Variants in WWOX observed in about 807,000 individuals in gnomAD.
The protein encoded by WWOX is WW domain containing oxidoreductase, also known as WW domain-containing oxidoreductase.
Under a neutral mutation model 46.2 loss-of-function variants are expected in WWOX, and 69 were observed. The observed-to-expected ratio is 1.49, with a 90% confidence interval of 1.23 to 1.82. The LOEUF is 1.82. WWOX is among the 40% of genes most tolerant of loss of function. The probability of loss-of-function intolerance (pLI) is 0.00; values close to 1 mark genes in which losing one functional copy is unlikely to be tolerated. For missense variants in WWOX, 919 were observed against 542.6 expected, an observed-to-expected ratio of 1.69 and a Z score of -6.89; for synonymous variants, 359 against 202.6, an observed-to-expected ratio of 1.77 and a Z score of -6.56.
At chr16:79,004,097 C>G (rs1213607937) in intron 8 of WWOX, 1 of 152,212 alleles carries the variant, frequency 6.6e-6, no homozygotes, top group Non-Finnish European at 1.5e-5. Flanking sequence ...AGACCATCAT[C>G]TTGTTTGCAT....
intron 5 of WWOX, among the ~76,000 whole-genome samples, chr16:78,361,239 A>G (rs1855937028): frequency 6.6e-6 from 1 of 152,202 alleles, no homozygotes; most frequent in Non-Finnish European, 1.5e-5. Context: ...TGGCAAGAAC[A>G]TTATAAAAAT....
At chr16:79,148,355 C>G (rs1180367165) in intron 8 of WWOX, among the ~76,000 whole-genome samples, 1 of 151,976 alleles carries the variant, frequency 6.6e-6, no homozygotes, top group African/African-American at 2.4e-5. Context: ...ATTTTTTTAC[C>G]TTTATTCAAA....
chr16:78,813,600 C>G (rs992748761), intron 8 of WWOX, among the ~76,000 whole-genome samples: 1 of 151,972 alleles, frequency 6.6e-6, no homozygotes, highest in Non-Finnish European at 1.5e-5. Context: ...CATGTGTGAG[C>G]TCCTGTGTGT....
intron 8 of WWOX, among the ~76,000 whole-genome samples, chr16:78,707,364 T>G (rs2048347751): frequency 6.6e-6 from 1 of 152,160 alleles, no homozygotes; most frequent in Admixed American, 6.5e-5. Context: ...GTATAAGACA[T>G]TGGCCATGCG....
chr16:78,984,480 G>T (rs1044839718), intron 8 of WWOX, among the ~76,000 whole-genome samples: 8 of 152,216 alleles, frequency 5.3e-5, no homozygotes, highest in African/African-American at 7.2e-5. Flanking sequence ...GAATGGATGG[G>T]TGTGGCCGTG....
At chr16:78,863,213 C>G (rs573187679) in intron 8 of WWOX, among the ~76,000 whole-genome samples, 1 of 152,272 alleles carries the variant, frequency 6.6e-6, no homozygotes, top group South Asian at 2.1e-4. Context: ...CCGCCTTGGC[C>G]TCCCAAAGTG....
At chr16:78,614,390 A>C (rs553394093) in intron 8 of WWOX, among the ~76,000 whole-genome samples, 55 of 152,352 alleles carry the variant, frequency 3.6e-4, no homozygotes, top group African/African-American at 1.3e-3. Flanking sequence ...TGCATCATTT[A>C]TTCTGAGTCC....
At chr16:78,495,196 G>A (rs1184400322) in intron 8 of WWOX, among the ~76,000 whole-genome samples, 34 of 135,794 alleles carry the variant, frequency 2.5e-4, no homozygotes, top group Middle Eastern at 4.5e-3. Flanking sequence ...GTTGCAGTGC[G>A]GTGGCATGAT....
At chr16:78,414,742 G>T (rs887856639) in intron 6 of WWOX, among the ~76,000 whole-genome samples, 4 of 152,158 alleles carry the variant, frequency 2.6e-5, no homozygotes, top group African/African-American at 9.7e-5. Flanking sequence ...TAACGTGGTG[G>T]CCTTTCATTC....
At chr16:79,013,702 C>G (rs1387312311) in intron 8 of WWOX, among the ~76,000 whole-genome samples, 1 of 152,212 alleles carries the variant, frequency 6.6e-6, no homozygotes, top group Non-Finnish European at 1.5e-5. Flanking sequence ...ACTTGGAGAA[C>G]CAATCTGAAA....
chr16:79,155,994 T>A (rs1200251852), intron 8 of WWOX, among the ~76,000 whole-genome samples: 1 of 152,100 alleles, frequency 6.6e-6, no homozygotes, highest in Non-Finnish European at 1.5e-5. Context: ...ATAACTCACT[T>A]AGTCATTTCA....
rs189972729 is a variant in WWOX at position 78,863,083 on chromosome 16, C to G, written c.1057-348525C>G. ...AAGCGATTCTCCTGCCTCAGCCTCC[C>G]AAGTAGGTGGGATTACAGGCGCCAC... On this transcript the variant is annotated intron_variant, in intron 8 of 8. Coordinates refer to ENST00000566780, the MANE Select transcript of WWOX (RefSeq NM_016373.4). 7.2e-5 allele frequency among the ~76,000 whole-genome samples: 11 copies of G among 151,872 alleles called. 1 individual carries two copies. The highest frequency in any genetic ancestry group is 1.3e-4 in the Non-Finnish European group (9 of 67,958).
chr16:79,009,740 C>T (rs112470477), intron 8 of WWOX, among the ~76,000 whole-genome samples: 107 of 152,198 alleles, frequency 7.0e-4, no homozygotes, highest in Middle Eastern at 3.4e-3. Context: ...TGTGAGCCAC[C>T]GCTCCTGGCA....
At chr16:79,120,278 C>G (rs2049601938) in intron 8 of WWOX, among the ~76,000 whole-genome samples, 1 of 152,156 alleles carries the variant, frequency 6.6e-6, no homozygotes, top group Non-Finnish European at 1.5e-5. Flanking sequence ...GGTACATATA[C>G]CCTTCAGAGA....
chr16:78,241,329 G>C (rs1265788113), intron 5 of WWOX: 1 of 151,670 alleles, frequency 6.6e-6, no homozygotes, highest in African/African-American at 2.4e-5. Context: ...TCCCTCCTTG[G>C]TCTGCTTCCT....
intron 4 of WWOX, among the ~76,000 whole-genome samples, chr16:78,142,208 T>C (rs2034013119): frequency 6.6e-6 from 1 of 152,146 alleles, no homozygotes; most frequent in Admixed American, 6.5e-5. Context: ...TCAATATTTA[T>C]GGAATTGAGT....
chr16:78,654,798 T>G (rs1055745537), intron 8 of WWOX, among the ~76,000 whole-genome samples: 3 of 152,146 alleles, frequency 2.0e-5, no homozygotes, highest in African/African-American at 7.2e-5. Flanking sequence ...AACATACTGT[T>G]GTTTTGAATT....
intron 8 of WWOX, among the ~76,000 whole-genome samples, chr16:79,048,594 A>G (rs542447633): frequency 1.3e-5 from 2 of 152,266 alleles, no homozygotes; most frequent in East Asian, 3.9e-4. Context: ...CATTAACATA[A>G]CGTATGCTAA....
chr16:78,879,189 G>A (rs1486629805), intron 8 of WWOX, among the ~76,000 whole-genome samples: 1 of 152,110 alleles, frequency 6.6e-6, no homozygotes, highest in African/African-American at 2.4e-5. Flanking sequence ...CATCTTTCAC[G>A]GTCATAGACC....
Sources: allele counts gnomAD v4.1 joint callset (sites outside exome capture counted in the v4.1 genomes callset), GRCh38; gene constraint gnomAD v4.1.1; transcripts MANE v1.5; gene names NCBI Gene and HGNC (gene_info 2026-07-23, HGNC 2026-07-21).